Variants in INAVA observed in about 807,000 individuals in gnomAD.
The protein encoded by INAVA is innate immunity activator.
In INAVA, 32 loss-of-function variants were observed where a neutral mutation model predicts 55.3. The ratio of observed to expected loss-of-function variants is 0.58; its 90% CI spans 0.44 to 0.78. INAVA has a LOEUF of 0.78. Ranked by LOEUF, INAVA falls within the 30% of genes least tolerant of loss-of-function variation. The pLI, the probability that INAVA is intolerant of heterozygous loss-of-function variation, is 0.00. For synonymous variants in INAVA, 294 were observed against 329.4 expected, an observed-to-expected ratio of 0.89 and a Z score of 1.16; for missense variants, 756 against 786.4, an observed-to-expected ratio of 0.96 and a Z score of 0.46.
At chr1:200,894,768 C>T (rs1015690676), upstream of INAVA, 4 of 984,010 alleles carry the variant, frequency 4.1e-6, no homozygotes, top group Admixed American at 6.1e-5. Flanking sequence ...TACCCTCCTG[C>T]CCCCCGGAAG....
chr1:200,908,102 C>T, intron 6 of INAVA: 1 of 455,592 alleles, frequency 2.2e-6, no homozygotes, highest in East Asian at 3.3e-5. Flanking sequence ...TCTGGAAGCT[C>T]ATTATTTTTA....
At position 200,914,207 on chromosome 1, in the gene INAVA, T is replaced by C. The variant is rs1277695878; in HGVS notation, c.*578T>C. 6.5e-6 allele frequency: 1 copy of C among 152,834 alleles called. No individual in the cohort carries two copies. The highest frequency in any genetic ancestry group is 1.5e-5 in the Non-Finnish European group (1 of 68,482). 9.5% of individuals were successfully genotyped at this position (152,834 alleles called of 1,614,324 possible). ...GTCAAAGGTCAGTATATCCCGGTGG[T>C]GTATTGTCTTGCTAGACCCTGCTAT... On this transcript the variant is annotated 3_prime_UTR_variant, in exon 10 of 10. Coordinates refer to ENST00000413687, the MANE Select transcript of INAVA (RefSeq NM_001142569.3).
chr1:200,902,510 A>C (rs1653307803), intron 5 of INAVA, among the ~76,000 whole-genome samples: 1 of 152,394 alleles, frequency 6.6e-6, no homozygotes, highest in Non-Finnish European at 1.5e-5. Context: ...GTCCGGTTCC[A>C]GTGGTTCTGG....
chr1:200,909,514 C>A, intron 8 of INAVA, 117 bp downstream of exon 8: 2 of 944,458 alleles, frequency 2.1e-6, no homozygotes, highest in Non-Finnish European at 1.4e-6. Flanking sequence ...AGTGCCTTGA[C>A]TTCTCTTAGG....
In INAVA at chr1:200,913,796, C is replaced by T; in HGVS notation, c.*167C>T. 1.7e-6 allele frequency: 1 copy of T among 599,840 alleles called. No homozygotes were observed. The highest frequency in any genetic ancestry group is 3.0e-6 in the Non-Finnish European group (1 of 337,212). 37.2% of individuals were successfully genotyped at this position (599,840 alleles called of 1,614,324 possible). ...CACGACTTTTTTCAGAAGCCCTGACCTAAGGATTTATATATGTGGATTGTC... is the reference window on the plus strand; with the variant it reads ...CACGACTTTTTTCAGAAGCCCTGACTTAAGGATTTATATATGTGGATTGTC... On this transcript the variant is annotated 3_prime_UTR_variant, in exon 10 of 10. Coordinates refer to ENST00000413687, the MANE Select transcript of INAVA (RefSeq NM_001142569.3).
At position 200,901,084 on chromosome 1, in the gene INAVA, G is replaced by A. The variant is rs1653234506; in HGVS notation, c.445G>A (p.Glu149Lys). The A allele has an allele frequency of 6.5e-7, 1 of 1,539,692 alleles. No individual in the cohort carries two copies. Among genetic ancestry groups the A allele is most frequent in the Non-Finnish European group, 8.7e-7 (1 of 1,146,256 alleles). ...GCTGCAGGAGGAGAAGAAGCTGCAG[G>A]AGCTCCAGCGCTGCCTGGTCGAGCG... is the stretch of plus-strand genomic sequence containing the variant. The part of the protein sequence containing the change: ...SMLQEEKKLQ[E>K]LQRCLVERRR... The change falls in exon 5 of 10, where the codon GAG becomes AAG. Residue 149 changes from glutamate to lysine, a missense_variant. Coordinates refer to ENST00000413687, the MANE Select transcript of INAVA (RefSeq NM_001142569.3).
At chr1:200,913,435 G>A (rs1653828515) in intron 9 of INAVA, 102 bp from the exon 10 acceptor site, 2 of 830,798 alleles carry the variant, frequency 2.4e-6, no homozygotes, top group Admixed American at 2.1e-5. Flanking sequence ...GCTTCTGCTG[G>A]TCAGTGTCCC....
chr1:200,891,827 G>A, upstream of INAVA: 1 of 578,194 alleles, frequency 1.7e-6, no homozygotes, highest in East Asian at 3.5e-5. Flanking sequence ...TTTTCAAAGG[G>A]GCAGGAATTC....
At position 200,911,618 on chromosome 1, in the gene INAVA, C is replaced by T; in HGVS notation, c.1125C>T (p.Asp375=). 1 of 1,614,012 alleles carries T rather than the reference C, an allele frequency of 6.2e-7. No individual in the cohort carries two copies. Among genetic ancestry groups the T allele is most frequent in the Non-Finnish European group, 8.5e-7 (1 of 1,179,948 alleles). Residue 375 remains aspartate, a synonymous_variant, in exon 9 of 10, where the codon GAC becomes GAT. Transcript: ENST00000413687. ...CCTGCTCAGAAGACAGTGGCTCTGACGTCTCCAGCATCTCCCACCCCACTT... is the reference window on the plus strand; with the variant it reads ...CCTGCTCAGAAGACAGTGGCTCTGATGTCTCCAGCATCTCCCACCCCACTT... ...CHSCSEDSGS[D]VSSISHPTSP...
At chr1:200,905,893 C>T (rs1464029710) in intron 5 of INAVA, among the ~76,000 whole-genome samples, 2 of 150,466 alleles carry the variant, frequency 1.3e-5, no homozygotes, top group Non-Finnish European at 3.0e-5. Context: ...CAGGGGAGAG[C>T]CCATAAAGGG....
chr1:200,900,033 G>A (rs1211643951), intron 3 of INAVA, 71 bp from the exon 4 acceptor site: 25 of 1,288,176 alleles, frequency 1.9e-5, no homozygotes, highest in Middle Eastern at 4.7e-4. Context: ...GCAGGCACAT[G>A]CAGTGCAGGG....
At chr1:200,902,692 A>C (rs1032827776) in intron 5 of INAVA, among the ~76,000 whole-genome samples, 3 of 152,188 alleles carry the variant, frequency 2.0e-5, no homozygotes, top group African/African-American at 7.2e-5. Flanking sequence ...CTGCAGGGAG[A>C]GGTCAGGGTG....
intron 2 of INAVA, among the ~76,000 whole-genome samples, chr1:200,898,957 C>T (rs551451157): frequency 2.0e-4 from 31 of 152,162 alleles, no homozygotes; most frequent in African/African-American, 2.2e-4. Context: ...CCAGCCTGGG[C>T]GACAGGGCAA....
intron 6 of INAVA, chr1:200,908,206 C>A: frequency 3.5e-6 from 1 of 282,542 alleles, no homozygotes. Flanking sequence ...CCAGTCAGAG[C>A]CAAAGAGCAA....
At chr1:200,900,873 G>C in intron 4 of INAVA, 64 bp from the exon 5 acceptor site, 1 of 1,314,464 alleles carries the variant, frequency 7.6e-7, no homozygotes. Flanking sequence ...CAGGGCTGCT[G>C]TCCACCCTCT....
chr1:200,911,531 G>A lies in INAVA; in HGVS notation c.1038G>A (p.Val346=). The change falls in exon 9 of 10, where the codon GTG becomes GTA. Residue 346 remains valine, a synonymous_variant. Coordinates refer to ENST00000413687, the MANE Select transcript of INAVA (RefSeq NM_001142569.3). ...GCCGCCGCCCCACTCACTACACGGT[G>A]ACAGTGCCAGATTCCTGCTTTCCCG... The part of the protein sequence containing the change: ...FPRRRPTHYT[V]TVPDSCFPAT... 1 of 1,613,846 alleles carries A rather than the reference G, an allele frequency of 6.2e-7. No individual in the cohort carries two copies. Among genetic ancestry groups the A allele is most frequent in the Non-Finnish European group, 8.5e-7 (1 of 1,179,972 alleles).
chr1:200,904,651 G>A (rs1364689743), intron 5 of INAVA, among the ~76,000 whole-genome samples: 1 of 152,170 alleles, frequency 6.6e-6, no homozygotes, highest in East Asian at 1.9e-4. Flanking sequence ...CTGCTGCGGG[G>A]CAGGGGAACG....
intron 9 of INAVA, among the ~76,000 whole-genome samples, chr1:200,912,426 A>G (rs1653793190): frequency 6.6e-6 from 1 of 152,188 alleles, no homozygotes; most frequent in African/African-American, 2.4e-5. Context: ...CTCTCCCTAA[A>G]TGATGATGCA....
chr1:200,906,965 A>G (rs1288004812), intron 5 of INAVA, among the ~76,000 whole-genome samples: 1 of 152,098 alleles, frequency 6.6e-6, no homozygotes, highest in Admixed American at 6.5e-5. Flanking sequence ...AGCTGGGACT[A>G]CAGGCATGCA....
Sources: allele counts gnomAD v4.1 joint callset (sites outside exome capture counted in the v4.1 genomes callset), GRCh38; gene constraint gnomAD v4.1.1; transcripts MANE v1.5; gene names NCBI Gene and HGNC (gene_info 2026-07-23, HGNC 2026-07-21).